Variants in MCC observed in about 807,000 individuals in gnomAD.
MCC encodes the protein MCC regulator of Wnt signaling pathway, also known as colorectal mutant cancer protein.
Under a neutral mutation model 116.2 loss-of-function variants are expected in MCC, and 90 were observed. That is an observed-to-expected ratio of 0.77 (90% CI 0.65 to 0.92). The LOEUF (loss-of-function observed/expected upper bound fraction) is 0.92. Among genes scored for constraint, MCC ranks in the 40% least tolerant of loss-of-function variants. MCC has a pLI of 0.00. For missense variants in MCC, 1,516 were observed against 1,312.2 expected (o/e 1.16, Z -2.40); for synonymous variants, 578 against 510.5 (o/e 1.13, Z -1.78).
chr5:113,076,633 C>T (rs934683361), intron 11 of MCC, among the ~76,000 whole-genome samples: 3 of 152,150 alleles, frequency 2.0e-5, no homozygotes, highest in Non-Finnish European at 4.4e-5. Flanking sequence ...CACCACCAGG[C>T]CTGCCTTACA....
rs1197789263 is a variant in MCC at position 113,022,742 on chromosome 5, T to G, written c.*4560A>C. Reference sequence around the variant, plus strand: ...CATCAGTGTGAATGTGGGGGAAATTTGTGTATAACTTGCTTTGTTCTGCTG... The same window carrying G: ...CATCAGTGTGAATGTGGGGGAAATTGGTGTATAACTTGCTTTGTTCTGCTG... On this transcript the variant is annotated 3_prime_UTR_variant, in exon 19 of 19. Transcript: ENST00000408903. 2 of 152,228 alleles carry G rather than the reference T, an allele frequency of 1.3e-5. No homozygotes were observed. The highest frequency in any genetic ancestry group is 4.8e-5 in the African/African-American group (2 of 41,456). The allele number at this position is 152,228 out of a possible 1,614,324, so 9.4% of individuals were successfully genotyped here.
At chr5:113,318,858 A>C (rs1416233626) in intron 3 of MCC, among the ~76,000 whole-genome samples, 1 of 152,144 alleles carries the variant, frequency 6.6e-6, no homozygotes, top group Admixed American at 6.6e-5. Flanking sequence ...AAATTTTATA[A>C]TGCTATTTTA....
rs570471973 is a variant in MCC at position 113,076,650 on chromosome 5, C to T, written c.1785-5416G>A. Among the ~76,000 whole-genome samples the T allele has an allele frequency of 3.5e-4, 53 of 152,216 alleles. 1 individual carries two copies. The highest frequency in any genetic ancestry group is 1.2e-3 in the African/African-American group (51 of 41,514). On this transcript the variant is annotated intron_variant, in intron 11 of 18. Coordinates refer to ENST00000408903, the MANE Select transcript of MCC (RefSeq NM_001085377.2). ...CCACCAGGCCTGCCTTACAAGAGCTCCTAAAGGAAGCATAAACATGGAAAG... is the reference window on the plus strand; with the variant it reads ...CCACCAGGCCTGCCTTACAAGAGCTTCTAAAGGAAGCATAAACATGGAAAG...
intron 15 of MCC, among the ~76,000 whole-genome samples, chr5:113,052,568 G>A (rs13356242): frequency 0.041 from 6,220 of 152,264 alleles, 444 homozygotes; most frequent in African/African-American, 0.14. Context: ...GGACAGGGCT[G>A]TGCTGAGTGA....
At chr5:113,234,584 G>T (rs1273504918) in intron 3 of MCC, 1 of 152,106 alleles carries the variant, frequency 6.6e-6, no homozygotes, top group East Asian at 1.9e-4. Flanking sequence ...TCCCTCAAAA[G>T]AGGTCTCTAT....
At chr5:113,055,492 G>A (rs115601203) in intron 14 of MCC, among the ~76,000 whole-genome samples, 105 of 152,324 alleles carry the variant, frequency 6.9e-4, no homozygotes, top group Middle Eastern at 6.8e-3. Flanking sequence ...GAGCTTTGCT[G>A]TTCACAGGAG....
intron 2 of MCC, among the ~76,000 whole-genome samples, chr5:113,358,663 C>T (rs544307482): frequency 2.0e-5 from 3 of 152,248 alleles, no homozygotes; most frequent in Admixed American, 2.0e-4. Context: ...GAAGCAGCTA[C>T]CTTTATGAAT....
intron 13 of MCC, among the ~76,000 whole-genome samples, chr5:113,067,009 T>C (rs949605535): frequency 1.3e-5 from 2 of 152,216 alleles, no homozygotes; most frequent in African/African-American, 2.4e-5. Flanking sequence ...TCTTTCCTCT[T>C]AGCACTGTTT....
At chr5:113,157,802 T>C (rs758760558) in intron 3 of MCC, among the ~76,000 whole-genome samples, 32 of 152,344 alleles carry the variant, frequency 2.1e-4, no homozygotes, top group African/African-American at 7.0e-4. Flanking sequence ...ATACACTGTT[T>C]TTTCCTATAC....
At chr5:113,086,314 G>C (rs7726012) in intron 8 of MCC, among the ~76,000 whole-genome samples, 20,041 of 104,518 alleles carry the variant, frequency 0.19, 1,462 homozygotes, top group South Asian at 0.24. Context: ...CTGGGGGGTT[G>C]AACAGGTGCT....
intron 3 of MCC, among the ~76,000 whole-genome samples, chr5:113,178,758 C>T (rs1466745413): frequency 2.0e-5 from 3 of 151,946 alleles, no homozygotes; most frequent in Admixed American, 2.0e-4. Context: ...TCAAAAATAC[C>T]CACTCTTAAT....
At chr5:113,041,995 TCAAAAAA>T (rs1196659520) in intron 17 of MCC, among the ~76,000 whole-genome samples, 2 of 151,644 alleles carry the variant, frequency 1.3e-5, no homozygotes, top group Non-Finnish European at 2.9e-5. Flanking sequence ...AGACTCTGTC[TCAAAAAA>T]CAAAAACAAA....
chr5:113,182,281 C>T (rs1268360570), intron 3 of MCC, among the ~76,000 whole-genome samples: 2 of 152,220 alleles, frequency 1.3e-5, no homozygotes, highest in Non-Finnish European at 2.9e-5. Flanking sequence ...AGCTTGGTAT[C>T]TGTTCTTCCA....
chr5:113,343,662 G>A (rs1331073019), intron 2 of MCC, among the ~76,000 whole-genome samples: 1 of 152,164 alleles, frequency 6.6e-6, no homozygotes, highest in Non-Finnish European at 1.5e-5. Flanking sequence ...CCGTGCACAT[G>A]GCCTGTGACA....
intron 1 of MCC, among the ~76,000 whole-genome samples, chr5:113,431,567 C>T (rs1438698066): frequency 6.6e-6 from 1 of 152,104 alleles, no homozygotes; most frequent in Admixed American, 6.5e-5. Flanking sequence ...TGAAGGGCTT[C>T]CTGGGGCATT....
intron 3 of MCC, among the ~76,000 whole-genome samples, chr5:113,299,117 G>T (rs1203995449): frequency 1.3e-5 from 2 of 151,552 alleles, no homozygotes; most frequent in Non-Finnish European, 2.9e-5. Context: ...TGAAACCCCC[G>T]TCTCTACTAA....
chr5:113,153,744 A>C (rs1455223240), intron 3 of MCC, among the ~76,000 whole-genome samples: 1 of 152,250 alleles, frequency 6.6e-6, no homozygotes, highest in African/African-American at 2.4e-5. Context: ...TCTGGACTTG[A>C]TGTCAGCTCT....
intron 3 of MCC, among the ~76,000 whole-genome samples, chr5:113,339,438 T>TGTGTGTGTGTGTGTGCGCGC (rs145838279): frequency 3.3e-5 from 5 of 149,554 alleles, no homozygotes; most frequent in African/African-American, 7.5e-5. Context: ...TGTGTGTGTG[T>TGTGTGTGTGTGTGTGCGCGC]GCGTGCATGT....
chr5:113,032,408 CAAAAAAAAAAAA>C (rs376957827), intron 17 of MCC, among the ~76,000 whole-genome samples: 2 of 63,352 alleles, frequency 3.2e-5, no homozygotes, highest in African/African-American at 9.7e-5. Context: ...AACTCTGTAT[CAAAAAAAAAAAA>C]AAAAAAAAAA....
Sources: gnomAD v4.1 joint callset for allele counts (sites outside exome capture counted in the v4.1 genomes callset) on GRCh38, gnomAD v4.1.1 for gene constraint, MANE v1.5 for transcripts, NCBI Gene and HGNC (gene_info 2026-07-23, HGNC 2026-07-21) for gene names.